Variants in MGAM2 observed in about 807,000 individuals in gnomAD.
The protein encoded by MGAM2 is probable maltase-glucoamylase 2.
A neutral mutation model predicts 96.1 loss-of-function variants in MGAM2; 98 were observed. That is an observed-to-expected ratio of 1.02 (90% confidence interval 0.87 to 1.21). The LOEUF (loss-of-function observed/expected upper bound fraction) is 1.21. Among genes scored for constraint, MGAM2 ranks in the 50% most tolerant of loss-of-function variants. The pLI, the probability that MGAM2 is intolerant of heterozygous loss-of-function variation, is 0.00. For missense variants in MGAM2, 2,055 were observed against 1,182.4 expected, an observed-to-expected ratio of 1.74 and a Z score of -10.82; for synonymous variants, 749 against 414.8, an observed-to-expected ratio of 1.81 and a Z score of -9.79.
At chr7:142,191,558 CT>C (rs1814166604) in intron 37 of MGAM2, among the ~76,000 whole-genome samples, 1 of 152,000 alleles carries the variant, frequency 6.6e-6, no homozygotes, top group African/African-American at 2.4e-5. Flanking sequence ...AATGAGAAGG[CT>C]TATTTTTGCC....
rs2129090777 is a variant in MGAM2, at chr7:142,172,122, CA to C, written c.3377del (p.His1126ProfsTer19). 1 of 734,364 alleles carries C rather than the reference CA, an allele frequency of 1.4e-6. No individual in the cohort carries two copies. Among genetic ancestry groups the C allele is most frequent in the South Asian group, 1.4e-5 (1 of 68,976 alleles). 45.5% of individuals were successfully genotyped at this position (734,364 alleles called of 1,614,324 possible). A position where few individuals can be genotyped will look rare whatever the true frequency, so the allele number is the denominator to read the frequency against. On this transcript the variant is annotated frameshift_variant, in exon 29 of 48. Coordinates refer to ENST00000477922, the MANE Select transcript of MGAM2 (RefSeq NM_001293626.2). LOFTEE classifies it high-confidence loss of function. ...PAYKKNSYGV[H>X]PYYMALEEDG... ...GTACAAGAAGAATTCCTATGGTGTC[CA>C]CCCTTACTACATGGCACTGGAGGAG...
chr7:142,188,109 AACACACACACACACACACAC>A (rs60052742), intron 36 of MGAM2, among the ~76,000 whole-genome samples: 10 of 143,562 alleles, frequency 7.0e-5, no homozygotes, highest in African/African-American at 2.6e-4. Flanking sequence ...TAAACCCTTA[AACACACACACACACACACAC>A]ACACACACAC....
rs145801287 is a variant in MGAM2, at chr7:142,187,716, C to A, written c.4123-34C>A. 799 of 700,972 alleles carry A rather than the reference C, an allele frequency of 1.1e-3. 4 individuals are homozygous for A. The African/African-American group carries it at 0.012, about 11-fold the overall frequency. The allele number at this position is 700,972 out of a possible 1,614,324, so 43.4% of individuals were successfully genotyped here. ...ATAGCCAAGGCCATCCTGCCCCTGA[C>A]ATGACGAGATCTTTTTTTGTTAACT... On this transcript the variant is annotated intron_variant, in intron 35 of 47. Coordinates refer to ENST00000477922, the MANE Select transcript of MGAM2 (RefSeq NM_001293626.2).
intron 3 of MGAM2, among the ~76,000 whole-genome samples, chr7:142,127,114 A>C (rs971667330): frequency 5.9e-5 from 9 of 152,198 alleles, no homozygotes; most frequent in Non-Finnish European, 8.8e-5. Flanking sequence ...TGAATTGATG[A>C]ATGTAGTTAC....
chr7:142,205,690 A>G (rs1284393235), intron 45 of MGAM2, among the ~76,000 whole-genome samples: 1 of 152,140 alleles, frequency 6.6e-6, no homozygotes, highest in Non-Finnish European at 1.5e-5. Flanking sequence ...AACAGTCTTT[A>G]TAGAATTTAG....
At chr7:142,177,614 A>G (rs1796416380) in intron 32 of MGAM2, among the ~76,000 whole-genome samples, 1 of 152,188 alleles carries the variant, frequency 6.6e-6, no homozygotes, top group Admixed American at 6.5e-5. Flanking sequence ...AAGTGAGAAC[A>G]TGTGGTATTT....
At chr7:142,130,724 C>T (rs562252693) in intron 3 of MGAM2, among the ~76,000 whole-genome samples, 48 of 152,284 alleles carry the variant, frequency 3.2e-4, no homozygotes, top group African/African-American at 1.1e-3. Flanking sequence ...AAGGCACAAG[C>T]TATGTCTTAT....
At chr7:142,159,608 C>T (rs767348528) in intron 20 of MGAM2, among the ~76,000 whole-genome samples, 35 of 152,248 alleles carry the variant, frequency 2.3e-4, no homozygotes, top group African/African-American at 6.3e-4. Context: ...TGGCAGATTC[C>T]GTGTCTGGTG....
At chr7:142,166,282 T>C (rs1350527112) in intron 25 of MGAM2, 29 bp downstream of exon 25, 1 of 679,856 alleles carries the variant, frequency 1.5e-6, no homozygotes. Context: ...ATTACCTCAT[T>C]GATTAGGAAG....
In MGAM2 at chr7:142,161,135, T is replaced by A. The variant is rs1276637802; in HGVS notation, c.2356T>A (p.Ser786Thr). The A allele has an allele frequency of 1.6e-5, 11 of 702,352 alleles. No homozygotes were observed. In the Middle Eastern group the frequency reaches 6.8e-4, roughly 44 times the overall value. 43.5% of individuals were successfully genotyped at this position (702,352 alleles called of 1,614,324 possible). The change falls in exon 22 of 48, where the codon TCC (serine) becomes ACC (threonine). Residue 786 changes from serine to threonine, a missense_variant. By Grantham distance (58) the Ser-to-Thr change is moderately conservative (BLOSUM62 1). Transcript: ENST00000477922. ...NTTTEASRRN[S>T]LGLIIALDYK... ...AGTACTCTTTTACAGCCGGAGGAAT[T>A]CCCTGGGACTCATCATCGCCTTGGA...
intron 6 of MGAM2, among the ~76,000 whole-genome samples, chr7:142,132,745 CATATAAT>C (rs1264121872): frequency 4.1e-5 from 5 of 120,960 alleles, no homozygotes; most frequent in African/African-American, 1.0e-4. Flanking sequence ...TATGTAATAA[CATATAAT>C]ATATAATATA....
Position 142,188,382 on chromosome 7 carries a change from A to G in MGAM2, c.4207+548A>G, listed in dbSNP as rs1176954604. ...ACTGTACCACGGCTGAGGTGGGAGG[A>G]TTGTTTAAGACCAGGAGTTTGAGTC... On this transcript the variant is annotated intron_variant, in intron 36 of 47. Coordinates refer to ENST00000477922, the MANE Select transcript of MGAM2 (RefSeq NM_001293626.2). Among the ~76,000 whole-genome samples, 3 of 152,094 alleles carry G rather than the reference A, an allele frequency of 2.0e-5. No individual in the cohort carries two copies. The East Asian group carries it at 5.8e-4, about 29-fold the overall frequency.
chr7:142,121,858 C>T (rs1476959751), intron 3 of MGAM2, among the ~76,000 whole-genome samples: 1 of 151,750 alleles, frequency 6.6e-6, no homozygotes, highest in East Asian at 1.9e-4. Flanking sequence ...CTTATACATT[C>T]ATATGTCTAA....
Position 142,198,597 on chromosome 7 carries a change from C to A in MGAM2, c.4924-18C>A. On this transcript the variant is annotated intron_variant, in intron 43 of 47. Coordinates refer to ENST00000477922, the MANE Select transcript of MGAM2 (RefSeq NM_001293626.2). ...ATATTTATCTCTCGCCATTTTTTGC[C>A]TGTATTCTCCTTTCTAGGGAACTAG... 1 of 696,080 alleles carries A rather than the reference C, an allele frequency of 1.4e-6. No individual in the cohort carries two copies. Among genetic ancestry groups the A allele is most frequent in the Non-Finnish European group, 2.6e-6 (1 of 382,708 alleles). 43.1% of individuals were successfully genotyped at this position (696,080 alleles called of 1,614,324 possible). A position where few individuals can be genotyped will look rare whatever the true frequency, so the allele number is the denominator to read the frequency against.
chr7:142,182,114 T>A (rs919068901), intron 32 of MGAM2, among the ~76,000 whole-genome samples: 1 of 152,082 alleles, frequency 6.6e-6, no homozygotes, highest in African/African-American at 2.4e-5. Context: ...CTCTTCTCAG[T>A]GTTCTGAGAG....
intron 46 of MGAM2, among the ~76,000 whole-genome samples, chr7:142,212,898 A>G (rs1797632844): frequency 6.6e-6 from 1 of 152,118 alleles, no homozygotes; most frequent in Non-Finnish European, 1.5e-5. Flanking sequence ...CTCAGCACCA[A>G]TAGCACTTAT....
At position 142,133,998 on chromosome 7, in the gene MGAM2, G is replaced by A. The variant is rs1205287191; in HGVS notation, c.593G>A (p.Gly198Glu). The change falls in exon 7 of 48, where the codon GGG becomes GAG. Residue 198 changes from glycine to glutamate, a missense_variant. Gly to Glu is a moderately conservative substitution (Grantham distance 98, BLOSUM62 -2). Coordinates refer to ENST00000477922, the MANE Select transcript of MGAM2 (RefSeq NM_001293626.2). ...NRRVLLDTSI[G>E]PLQFAQQYLQ... ...TGGCCCAGGTTGGACACGAGCATCG[G>A]GCCCCTCCAGTTTGCCCAGCAGTAC... 1 of 716,154 alleles carries A rather than the reference G, an allele frequency of 1.4e-6. No homozygotes were observed. The highest frequency in any genetic ancestry group is 2.5e-6 in the Non-Finnish European group (1 of 392,316). The allele number at this position is 716,154 out of a possible 1,614,324, so 44.4% of individuals were successfully genotyped here.
intron 32 of MGAM2, among the ~76,000 whole-genome samples, chr7:142,177,532 C>T (rs1241471317): frequency 6.6e-6 from 1 of 152,142 alleles, no homozygotes; most frequent in Non-Finnish European, 1.5e-5. Flanking sequence ...TCCCTCTCCT[C>T]TCTTGTAGTC....
intron 31 of MGAM2, among the ~76,000 whole-genome samples, chr7:142,175,107 T>C (rs1796332133): frequency 6.6e-6 from 1 of 152,170 alleles, no homozygotes. Context: ...ATCCTTGTCT[T>C]GTGCTGGTTT....
Sources: gnomAD v4.1 joint callset for allele counts (sites outside exome capture counted in the v4.1 genomes callset) on GRCh38, gnomAD v4.1.1 for gene constraint, MANE v1.5 for transcripts, NCBI Gene and HGNC (gene_info 2026-07-23, HGNC 2026-07-21) for gene names.